The following KPTN variants were observed in gnomAD, a reference collection of about 807,000 sequenced individuals.
KPTN encodes kaptin, actin binding protein.
In KPTN, 36 loss-of-function variants were observed where a neutral mutation model predicts 52.6. That is an observed-to-expected ratio of 0.68 (90% CI 0.52 to 0.90). KPTN has a LOEUF of 0.90. Ranked by LOEUF, KPTN falls within the 40% of genes least tolerant of loss-of-function variation. The pLI is 0.00. For synonymous variants in KPTN, 271 were observed against 248.4 expected (o/e 1.09, Z -0.85); for missense variants, 529 against 576.2 (o/e 0.92, Z 0.84).
At chr19:47,480,085 CA>C in intron 7 of KPTN, 145 bp from the exon 8 acceptor site, 1 of 629,130 alleles carries the variant, frequency 1.6e-6, no homozygotes, top group Non-Finnish European at 2.8e-6. Context: ...GCCCCGCCCC[CA>C]ATCCCCACCC....
At chr19:47,480,047 C>A (rs1215274056) in intron 7 of KPTN, 107 bp from the exon 8 acceptor site, 3 of 887,632 alleles carry the variant, frequency 3.4e-6, no homozygotes, top group African/African-American at 3.6e-5. Flanking sequence ...CCTAGCCCCG[C>A]CCCTCTGAAG....
chr19:47,478,915 G>T lies in KPTN; in HGVS notation c.787+948C>A, dbSNP rs142653222. ...AGCAGGAAGGTGGGAGGCGGTGTGGGATAGAAGCTACACATTAGGTACAAC... is the reference window on the plus strand; with the variant it reads ...AGCAGGAAGGTGGGAGGCGGTGTGGTATAGAAGCTACACATTAGGTACAAC... On this transcript the variant is annotated intron_variant, in intron 8 of 11. Transcript: ENST00000338134. 1.7e-3 allele frequency among the ~76,000 whole-genome samples: 262 copies of T among 152,338 alleles called. 2 individuals are homozygous for T. The highest frequency in any genetic ancestry group is 5.6e-3 in the African/African-American group (233 of 41,572).
rs552739397 is a variant in KPTN at position 47,484,008 on chromosome 19, G to A, written c.153C>T (p.Leu51=). Residue 51 remains leucine (L), a synonymous_variant, in exon 1 of 12, where the codon CTC becomes CTT. Coordinates refer to ENST00000338134, the MANE Select transcript of KPTN (RefSeq NM_007059.4). ...GTCGGAGGTCTTGGTAGCGGAAGCC[G>A]AGCACCTTGCCTTTAAGGGTGGCGG... ...LLAATLKGKV[L]GFRYQDLRQK... is the part of the protein sequence containing the mutation. 6.2e-7 allele frequency: 1 copy of A among 1,613,226 alleles called. No individual in the cohort carries two copies. Among genetic ancestry groups the A allele is most frequent in the Middle Eastern group, 1.6e-4 (1 of 6,062 alleles).
At chr19:47,482,914 C>T (rs1338711856) in intron 4 of KPTN, among the ~76,000 whole-genome samples, 1 of 152,138 alleles carries the variant, frequency 6.6e-6, no homozygotes, top group Non-Finnish European at 1.5e-5. Context: ...GCCATGTTGG[C>T]CAGGCTGGTC....
upstream of KPTN, among the ~76,000 whole-genome samples, chr19:47,484,707 T>A (rs1338329711): frequency 2.3e-5 from 2 of 87,870 alleles, no homozygotes; most frequent in Admixed American, 1.3e-4. Context: ...CAGTTCACTA[T>A]TTTTTTTTTT....
chr19:47,480,208 AC>A, intron 7 of KPTN, 89 bp downstream of exon 7: 1 of 557,364 alleles, frequency 1.8e-6, no homozygotes. Flanking sequence ...CTCCTCCCCT[AC>A]CCCACCCAGC....
chr19:47,485,058 C>T (rs1968031625), upstream of KPTN, among the ~76,000 whole-genome samples: 1 of 151,998 alleles, frequency 6.6e-6, no homozygotes, highest in African/African-American at 2.4e-5. Flanking sequence ...CTTCTTGCCC[C>T]CAAGGAAAAA....
At chr19:47,480,034 C>T (rs1408468910) in intron 7 of KPTN, 94 bp from the exon 8 acceptor site, 5 of 1,005,230 alleles carry the variant, frequency 5.0e-6, no homozygotes, top group Non-Finnish European at 7.4e-6. Flanking sequence ...CGTTCATCCC[C>T]ACCCTAGCCC....
Position 47,475,563 on chromosome 19 carries a change from T to C in KPTN, c.1183-19A>G, listed in dbSNP as rs779158689. 1.9e-6 allele frequency: 3 copies of C among 1,608,006 alleles called. No homozygotes were observed. Among genetic ancestry groups the C allele is most frequent in the South Asian group, 1.1e-5 (1 of 90,960 alleles). On this transcript the variant is annotated intron_variant, in intron 11 of 11. Transcript: ENST00000338134. ...GGCTGTGCTGTGGGGAACAAGAGAA[T>C]GAGGGGGATGGAGCTGAGGAAGAGC...
At chr19:47,477,928 C>A in intron 8 of KPTN, 147 bp from the exon 9 acceptor site, 1 of 556,600 alleles carries the variant, frequency 1.8e-6, no homozygotes, top group South Asian at 1.7e-5. Flanking sequence ...GGCATGGTGG[C>A]GGGCACCTGT....
Position 47,484,215 on chromosome 19 carries a change from C to T in KPTN, c.-55G>A. ...CCCCGCCCCAACCCGCACTACCCAA[C>T]CTACGACTCTCTAAGCGACCTGAAC... is the stretch of plus-strand genomic sequence containing the variant. On this transcript the variant is annotated 5_prime_UTR_variant, in exon 1 of 12. Coordinates refer to ENST00000338134, the MANE Select transcript of KPTN (RefSeq NM_007059.4). 4 of 1,539,656 alleles carry T rather than the reference C, an allele frequency of 2.6e-6. No homozygotes were observed. The highest frequency in any genetic ancestry group is 3.5e-6 in the Non-Finnish European group (4 of 1,146,794).
chr19:47,476,622 A>G lies in KPTN; in HGVS notation c.1092T>C (p.Ser364=). The change falls in exon 11 of 12, where the codon AGT becomes AGC. Residue 364 remains serine, a synonymous_variant. Transcript: ENST00000338134. The stretch of plus-strand genomic sequence containing the variant: ...CCACGTGAGCCATGGCCAGCAGGGG[A>G]CTGGAGAAGCTCCGCTGCCACAGCA... The part of the protein sequence containing the change: ...FHLLWQRSFS[S]PLLAMAHVDL... The G allele has an allele frequency of 6.2e-7, 1 of 1,612,392 alleles. No individual in the cohort carries two copies. Among genetic ancestry groups the G allele is most frequent in the Non-Finnish European group, 8.5e-7 (1 of 1,179,702 alleles).
chr19:47,485,808 G>A (rs567892077), upstream of KPTN, among the ~76,000 whole-genome samples: 7 of 152,308 alleles, frequency 4.6e-5, no homozygotes, highest in Admixed American at 6.5e-5. Context: ...TGGGAATGCC[G>A]TCAGTGCTGC....
intron 8 of KPTN, 134 bp downstream of exon 8, chr19:47,479,729 G>T: frequency 1.5e-6 from 1 of 676,580 alleles, no homozygotes; most frequent in East Asian, 2.7e-5. Flanking sequence ...TGGAGTGGGG[G>T]ATCCAGGAGA....
chr19:47,480,863 G>A (rs758877414), intron 5 of KPTN, 30 bp from the exon 6 acceptor site: 17 of 1,612,448 alleles, frequency 1.1e-5, no homozygotes, highest in East Asian at 2.2e-5. Flanking sequence ...CCCCACCCCC[G>A]CTTAAGTCAG....
intron 7 of KPTN, 38 bp downstream of exon 7, chr19:47,480,260 C>A: frequency 7.6e-7 from 1 of 1,311,110 alleles, no homozygotes; most frequent in South Asian, 1.3e-5. Context: ...CTCTAGCCCT[C>A]AACCCCACCC....
chr19:47,481,824 G>A (rs1211679812), intron 4 of KPTN, among the ~76,000 whole-genome samples: 2 of 152,162 alleles, frequency 1.3e-5, no homozygotes, highest in African/African-American at 4.8e-5. Flanking sequence ...CTGTGTTCTG[G>A]AATGGAATCT....
chr19:47,483,862 C>G, intron 1 of KPTN, 73 bp downstream of exon 1: 1 of 1,587,176 alleles, frequency 6.3e-7, no homozygotes, highest in South Asian at 1.1e-5. Flanking sequence ...TGACCCGGCT[C>G]AGACAGAGCC....
chr19:47,476,680 G>A lies in KPTN; in HGVS notation c.1034C>T (p.Ser345Leu), dbSNP rs763172380. 1.4e-5 allele frequency: 22 copies of A among 1,612,532 alleles called. No homozygotes were observed. Among genetic ancestry groups the A allele is most frequent in the Admixed American group, 1.3e-4 (8 of 59,780 alleles). ...LLCYKYRGPE[S>L]GLPEAQHGFH... The stretch of plus-strand genomic sequence containing the variant: ...CCCGTGCTGGGCCTCAGGAAGCCCC[G>A]ACTCTGGGCCCCGGTACTTATAACA... Residue 345 changes from serine (S) to leucine (L), a missense_variant, in exon 11 of 12, where the codon TCG becomes TTG. Physicochemically the swap from Ser to Leu is moderately radical, Grantham distance 145. Coordinates refer to ENST00000338134, the MANE Select transcript of KPTN (RefSeq NM_007059.4).
Sources: gnomAD v4.1 joint callset for allele counts (sites outside exome capture counted in the v4.1 genomes callset) on GRCh38, gnomAD v4.1.1 for gene constraint, MANE v1.5 for transcripts, NCBI Gene and HGNC (gene_info 2026-07-23, HGNC 2026-07-21) for gene names.